OR51B5: variants seen among roughly 807,000 people sequenced by gnomAD.
OR51B5 encodes olfactory receptor family 51 subfamily B member 5.
For missense variants in OR51B5, 456 were observed against 374.6 expected (o/e 1.22, Z -1.79); for synonymous variants, 186 against 144.8 (o/e 1.28, Z -2.04).
rs1183554870 is a variant in OR51B5 at position 5,352,364 on chromosome 11, A to G, written n.85-5454T>C. 10 of 1,613,656 alleles carry G rather than the reference A, an allele frequency of 6.2e-6. No homozygotes were observed. In the South Asian group the frequency reaches 8.8e-5, roughly 14 times the overall value. On this transcript the variant is annotated intron_variant and non_coding_transcript_variant, in intron 1 of 4. Transcript: ENST00000415970. Reference sequence around the variant, plus strand: ...CACTTCCTTTTCCCACCTTTTATGAACCCATTTATCTATAGCATTAAAACT... The same window carrying G: ...CACTTCCTTTTCCCACCTTTTATGAGCCCATTTATCTATAGCATTAAAACT...
At chr11:5,458,347 T>C (rs1850993007) in intron 1 of OR51B5, among the ~76,000 whole-genome samples, 1 of 152,184 alleles carries the variant, frequency 6.6e-6, no homozygotes, top group African/African-American at 2.4e-5. Flanking sequence ...AAAATGCTGC[T>C]TTGCTTACAG....
At chr11:5,478,830 G>C (rs1851363110) in intron 1 of OR51B5, among the ~76,000 whole-genome samples, 1 of 150,284 alleles carries the variant, frequency 6.7e-6, no homozygotes. Flanking sequence ...AAAAAGAAAT[G>C]AGCAAAGCCT....
chr11:5,376,809 C>T (rs1849535636), intron 1 of OR51B5, among the ~76,000 whole-genome samples: 1 of 150,664 alleles, frequency 6.6e-6, no homozygotes, highest in South Asian at 2.1e-4. Flanking sequence ...GAAATTGTGG[C>T]AATAATCAAT....
At chr11:5,383,735 C>T (rs1174850526) in intron 1 of OR51B5, 1 of 152,158 alleles carries the variant, frequency 6.6e-6, no homozygotes, top group Admixed American at 6.5e-5. Context: ...ATTCCCAGCC[C>T]TGGGGACCCT....
chr11:5,426,630 G>A (rs1307197694), intron 1 of OR51B5, among the ~76,000 whole-genome samples: 1 of 151,676 alleles, frequency 6.6e-6, no homozygotes, highest in Admixed American at 6.6e-5. Flanking sequence ...TAATACATGT[G>A]TTAGGGCACA....
chr11:5,486,365 A>G (rs1037645900), intron 1 of OR51B5, among the ~76,000 whole-genome samples: 2 of 151,728 alleles, frequency 1.3e-5, no homozygotes, highest in Non-Finnish European at 2.9e-5. Flanking sequence ...TTTTTGTCTG[A>G]TTGTTCATTG....
intron 1 of OR51B5, among the ~76,000 whole-genome samples, chr11:5,427,309 G>A (rs1335295066): frequency 2.0e-5 from 3 of 152,244 alleles, no homozygotes; most frequent in Non-Finnish European, 4.4e-5. Context: ...GAGAATGAAA[G>A]TGAGGCGTTC....
At chr11:5,458,700 TTTA>T (rs1241424520) in intron 1 of OR51B5, among the ~76,000 whole-genome samples, 1 of 152,018 alleles carries the variant, frequency 6.6e-6, no homozygotes, top group Non-Finnish European at 1.5e-5. Context: ...TCCTAGGTAT[TTTA>T]TTCTTTTTGT....
chr11:5,360,445 C>T (rs950942911), intron 1 of OR51B5, among the ~76,000 whole-genome samples: 11 of 151,098 alleles, frequency 7.3e-5, no homozygotes, highest in African/African-American at 2.2e-4. Context: ...AGTGAGATAC[C>T]ATCTCACACC....
In OR51B5 at chr11:5,458,678, C is replaced by T. The variant is rs1846316; in HGVS notation, n.84+46891G>A. On this transcript the variant is annotated intron_variant and non_coding_transcript_variant, in intron 1 of 4. Transcript: ENST00000415970. Reference sequence around the variant, plus strand: ...CATTGTAGAGATCATTCACCTGCACCGTTAACTGTAATCCTAGGTATTTTA... The same window carrying T: ...CATTGTAGAGATCATTCACCTGCACTGTTAACTGTAATCCTAGGTATTTTA... Among the ~76,000 whole-genome samples the T allele has an allele frequency of 4.0e-3, 607 of 152,068 alleles. 2 individuals are homozygous for T. Among genetic ancestry groups the T allele is most frequent in the African/African-American group, 0.014 (571 of 41,456 alleles).
intron 1 of OR51B5, among the ~76,000 whole-genome samples, chr11:5,438,232 G>C (rs1468925252): frequency 1.3e-5 from 2 of 151,990 alleles, no homozygotes; most frequent in African/African-American, 4.8e-5. Context: ...TATGTTATTA[G>C]AGGCAGCATG....
intron 1 of OR51B5, among the ~76,000 whole-genome samples, chr11:5,487,418 G>C (rs1277001552): frequency 1.3e-5 from 2 of 152,084 alleles, no homozygotes; most frequent in Admixed American, 6.6e-5. Flanking sequence ...GCCACAAAAA[G>C]GCTTTGGAAT....
chr11:5,445,235 A>G (rs1850743159), intron 1 of OR51B5, among the ~76,000 whole-genome samples: 1 of 152,206 alleles, frequency 6.6e-6, no homozygotes, highest in African/African-American at 2.4e-5. Context: ...TGTTTTAAAT[A>G]CATTTCCCTG....
At chr11:5,378,651 G>C (rs1230511074) in intron 1 of OR51B5, among the ~76,000 whole-genome samples, 1 of 152,152 alleles carries the variant, frequency 6.6e-6, no homozygotes, top group East Asian at 1.9e-4. Flanking sequence ...AGTGGGCAAA[G>C]GATATGAACA....
chr11:5,427,381 T>C (rs532278075), intron 1 of OR51B5, among the ~76,000 whole-genome samples: 24 of 152,372 alleles, frequency 1.6e-4, no homozygotes, highest in Admixed American at 1.2e-3. Flanking sequence ...GAATGACAGA[T>C]GGCGTGAGCC....
intron 1 of OR51B5, among the ~76,000 whole-genome samples, chr11:5,410,973 G>A (rs1240587360): frequency 1.3e-5 from 2 of 152,098 alleles, no homozygotes; most frequent in East Asian, 3.8e-4. Flanking sequence ...AAAAGTTAAA[G>A]TATATAAAGT....
intron 1 of OR51B5, among the ~76,000 whole-genome samples, chr11:5,490,008 GAAA>G (rs1004873779): frequency 6.6e-6 from 1 of 152,170 alleles, no homozygotes; most frequent in African/African-American, 2.4e-5. Context: ...GAAAAACAAA[GAAA>G]AGGTTTGGAA....
downstream of OR51B5, chr11:5,340,532 C>T (rs947236869): frequency 2.6e-5 from 4 of 151,190 alleles, no homozygotes; most frequent in East Asian, 1.9e-4. Flanking sequence ...TCTTCTACTG[C>T]GGTTAGGAGT....
In OR51B5 at chr11:5,454,156, G is replaced by A. The variant is rs746240729; in HGVS notation, n.84+51413C>T. 86 of 1,613,894 alleles carry A rather than the reference G, an allele frequency of 5.3e-5. No individual in the cohort carries two copies. The highest frequency in any genetic ancestry group is 2.9e-4 in the East Asian group (13 of 44,886). ...TTCCTCTCCTATGTGCTCATTCTGC[G>A]TTCTGTCATGGCCACTGCTTCCCGT... On this transcript the variant is annotated intron_variant and non_coding_transcript_variant, in intron 1 of 4. Coordinates refer to the OR51B5 transcript ENST00000415970.
Sources: gnomAD v4.1 joint callset for allele counts (sites outside exome capture counted in the v4.1 genomes callset) on GRCh38, gnomAD v4.1.1 for gene constraint, MANE v1.5 for transcripts, NCBI Gene and HGNC (gene_info 2026-07-23, HGNC 2026-07-21) for gene names.